The following RFK variants were observed in gnomAD, a reference collection of about 807,000 sequenced individuals.
The protein encoded by RFK is 0610038L10Rik.
A neutral mutation model predicts 17.6 loss-of-function variants in RFK; 4 were observed. That is an observed-to-expected ratio of 0.23 (90% confidence interval 0.11 to 0.52). The LOEUF (loss-of-function observed/expected upper bound fraction) is 0.52, where lower values mean the gene tolerates loss of function less well. Ranked by LOEUF, RFK falls within the 20% of genes least tolerant of loss-of-function variation. RFK has a pLI of 0.96. For missense variants in RFK, 189 were observed against 187.7 expected (o/e 1.01, Z -0.04); for synonymous variants, 59 against 63.8 (o/e 0.92, Z 0.36).
intron 3 of RFK, 47 bp from the exon 4 acceptor site, chr9:76,387,576 T>C: frequency 6.4e-7 from 1 of 1,553,424 alleles, no homozygotes; most frequent in Non-Finnish European, 8.7e-7. Flanking sequence ...ACCATTAACA[T>C]ACTTTTTACT....
Position 76,394,298 on chromosome 9 carries a change from G to T in RFK, c.-127C>A. 1 of 865,292 alleles carries T rather than the reference G, an allele frequency of 1.2e-6. No homozygotes were observed. The highest frequency in any genetic ancestry group is 1.7e-6 in the Non-Finnish European group (1 of 595,910). The allele number at this position is 865,292 out of a possible 1,614,324, so 53.6% of individuals were successfully genotyped here. A position where few individuals can be genotyped will look rare whatever the true frequency, so the allele number is the denominator to read the frequency against. ...CGTGAGCTCTGCCTGCCGCGGGGGC[G>T]CACCAGTGGCCGGACGACGCCGACC... is the stretch of plus-strand genomic sequence containing the variant. On this transcript the variant is annotated 5_prime_UTR_variant, in exon 1 of 4. Coordinates refer to ENST00000376736, the MANE Select transcript of RFK (RefSeq NM_018339.6).
At position 76,387,204 on chromosome 9, in the gene RFK, A is replaced by G. The variant is rs1340416003; in HGVS notation, c.*195T>C. 2.2e-6 allele frequency: 1 copy of G among 455,116 alleles called. No individual in the cohort carries two copies. The highest frequency in any genetic ancestry group is 1.9e-5 in the African/African-American group (1 of 51,282). The allele number at this position is 455,116 out of a possible 1,614,324, so 28.2% of individuals were successfully genotyped here. Reference sequence around the variant, plus strand: ...TTTTTTAAATCTTATTTTTAACTCAATCTTTTTAGTGCTATGATATGATGG... The same window carrying G: ...TTTTTTAAATCTTATTTTTAACTCAGTCTTTTTAGTGCTATGATATGATGG... On this transcript the variant is annotated 3_prime_UTR_variant, in exon 4 of 4. Coordinates refer to ENST00000376736, the MANE Select transcript of RFK (RefSeq NM_018339.6).
At chr9:76,388,522 T>C (rs768831971) in intron 3 of RFK, 32 bp downstream of exon 3, 1 of 1,273,390 alleles carries the variant, frequency 7.9e-7, no homozygotes, top group Non-Finnish European at 1.1e-6. Context: ...GTAGCAGTAG[T>C]AGTATTTAAG....
At chr9:76,392,197 A>G (rs1736771275) in intron 2 of RFK, among the ~76,000 whole-genome samples, 1 of 152,220 alleles carries the variant, frequency 6.6e-6, no homozygotes, top group South Asian at 2.1e-4. Context: ...TAAGGCATAT[A>G]AAAAACAAAT....
rs1186493414 is a variant in RFK, at chr9:76,394,233, G to A, written c.-62C>T. ...CTGCGCGTCCTGCGGAGCCGCCGTC[G>A]ACGCGGCGCCCAGACCCCGGACCAG... On this transcript the variant is annotated 5_prime_UTR_variant, in exon 1 of 4. Transcript: ENST00000376736. 1.3e-6 allele frequency: 2 copies of A among 1,508,234 alleles called. No homozygotes were observed. The highest frequency in any genetic ancestry group is 1.8e-6 in the Non-Finnish European group (2 of 1,119,128). 93.4% of individuals were successfully genotyped at this position (1,508,234 alleles called of 1,614,324 possible).
rs1193761466 is a variant in RFK, at chr9:76,387,206, C to A, written c.*193G>T. The A allele has an allele frequency of 8.8e-6, 4 of 454,776 alleles. No individual in the cohort carries two copies. Among genetic ancestry groups the A allele is most frequent in the Non-Finnish European group, 7.8e-6 (2 of 257,126 alleles). The allele number at this position is 454,776 out of a possible 1,614,324, so 28.2% of individuals were successfully genotyped here. On this transcript the variant is annotated 3_prime_UTR_variant, in exon 4 of 4. Transcript: ENST00000376736. ...TTTTAAATCTTATTTTTAACTCAAT[C>A]TTTTTAGTGCTATGATATGATGGGC... is the stretch of plus-strand genomic sequence containing the variant.
Position 76,394,089 on chromosome 9 carries a change from C to T in RFK, c.82+1G>A. The T allele has an allele frequency of 6.2e-7, 1 of 1,603,240 alleles. No homozygotes were observed. Among genetic ancestry groups the T allele is most frequent in the Non-Finnish European group, 8.5e-7 (1 of 1,176,370 alleles). ...GGGGACTCTGGCCGCCCTGCTCTCACCTGTGGGGATGCCCAGCTGCTTGGA... is the reference window on the plus strand; with the variant it reads ...GGGGACTCTGGCCGCCCTGCTCTCATCTGTGGGGATGCCCAGCTGCTTGGA... On this transcript the variant is annotated splice_donor_variant, in intron 1 of 3. Transcript: ENST00000376736. LOFTEE classifies it high-confidence loss of function.
rs767635153 is a variant in RFK at position 76,394,221 on chromosome 9, G to C, written c.-50C>G. On this transcript the variant is annotated 5_prime_UTR_variant, in exon 1 of 4. Coordinates refer to ENST00000376736, the MANE Select transcript of RFK (RefSeq NM_018339.6). ...CTGCGGCCCGGTCTGCGCGTCCTGC[G>C]GAGCCGCCGTCGACGCGGCGCCCAG... The C allele has an allele frequency of 1.3e-6, 2 of 1,539,972 alleles. No individual in the cohort carries two copies. Among genetic ancestry groups the C allele is most frequent in the East Asian group, 5.0e-5 (2 of 40,170 alleles).
intron 3 of RFK, 37 bp downstream of exon 3, chr9:76,388,517 A>G: frequency 1.7e-6 from 2 of 1,203,498 alleles, no homozygotes; most frequent in Non-Finnish European, 2.5e-6. Context: ...CTGTGGTAGC[A>G]GTAGTAGTAT....
At position 76,385,914 on chromosome 9, in the gene RFK, C is replaced by A. The variant is rs1822722640; in HGVS notation, c.*1485G>T. On this transcript the variant is annotated 3_prime_UTR_variant, in exon 4 of 4. Coordinates refer to ENST00000376736, the MANE Select transcript of RFK (RefSeq NM_018339.6). ...CATATTTTTATAAAGAAATAAAAAGCAAAACGCAATCCAACTATTTATATG... is the reference window on the plus strand; with the variant it reads ...CATATTTTTATAAAGAAATAAAAAGAAAAACGCAATCCAACTATTTATATG... The A allele has an allele frequency of 6.6e-6, 1 of 152,104 alleles. No individual in the cohort carries two copies. Among genetic ancestry groups the A allele is most frequent in the African/African-American group, 2.4e-5 (1 of 41,432 alleles). The allele number at this position is 152,104 out of a possible 1,614,324, so 9.4% of individuals were successfully genotyped here.
At chr9:76,388,809 T>C (rs1822777409) in intron 2 of RFK, among the ~76,000 whole-genome samples, 153 bp from the exon 3 acceptor site, 1 of 152,210 alleles carries the variant, frequency 6.6e-6, no homozygotes, top group African/African-American at 2.4e-5. Flanking sequence ...GTGCAGTTTT[T>C]CCTAAATTTT....
Position 76,388,676 on chromosome 9 carries a change from C to A in RFK, c.235-20G>T. 7.0e-7 allele frequency: 1 copy of A among 1,418,804 alleles called. No individual in the cohort carries two copies. The highest frequency in any genetic ancestry group is 1.4e-5 in the African/African-American group (1 of 71,552). 87.9% of individuals were successfully genotyped at this position (1,418,804 alleles called of 1,614,324 possible). A position where few individuals can be genotyped will look rare whatever the true frequency, so the allele number is the denominator to read the frequency against. ...TGTTTCCTATAGTCAAGAAATGTTA[C>A]AAAGAGTGCTATCAGACTACAGTGT... On this transcript the variant is annotated intron_variant, in intron 2 of 3. Coordinates refer to ENST00000376736, the MANE Select transcript of RFK (RefSeq NM_018339.6).
intron 1 of RFK, 144 bp from the exon 2 acceptor site, chr9:76,392,713 G>T (rs1822833860): frequency 1.4e-6 from 1 of 731,738 alleles, no homozygotes; most frequent in Admixed American, 2.6e-5. Context: ...TTTGAGACCG[G>T]CCCGGGTAAC....
chr9:76,393,292 C>T (rs1381047177), intron 1 of RFK, among the ~76,000 whole-genome samples: 1 of 151,804 alleles, frequency 6.6e-6, no homozygotes, highest in East Asian at 1.9e-4. Flanking sequence ...CTGCAGCCTC[C>T]GTCTCCTGGG....
chr9:76,392,221 A>G (rs1294869382), intron 2 of RFK, among the ~76,000 whole-genome samples, 197 bp downstream of exon 2: 1 of 152,220 alleles, frequency 6.6e-6, no homozygotes, highest in Non-Finnish European at 1.5e-5. Context: ...AAAACAGTAG[A>G]TGTCCCTCCT....
intron 2 of RFK, among the ~76,000 whole-genome samples, chr9:76,391,922 T>G (rs1356306877): frequency 7.2e-6 from 1 of 138,244 alleles, no homozygotes; most frequent in Non-Finnish European, 1.6e-5. Context: ...GGCAACATAG[T>G]GAGACCCCAT....
rs1204945947 is a variant in RFK at position 76,386,230 on chromosome 9, T to A, written c.*1169A>T. 1 of 152,180 alleles carries A rather than the reference T, an allele frequency of 6.6e-6. No individual in the cohort carries two copies. Among genetic ancestry groups the A allele is most frequent in the African/African-American group, 2.4e-5 (1 of 41,434 alleles). The allele number at this position is 152,180 out of a possible 1,614,324, so 9.4% of individuals were successfully genotyped here. A position where few individuals can be genotyped will look rare whatever the true frequency, so the allele number is the denominator to read the frequency against. Reference sequence around the variant, plus strand: ...AAAAATCCACAGTATGAAGGCTATTTAACTAAAACTTTATGCTTTTCCCTC... The same window carrying A: ...AAAAATCCACAGTATGAAGGCTATTAAACTAAAACTTTATGCTTTTCCCTC... On this transcript the variant is annotated 3_prime_UTR_variant, in exon 4 of 4. Transcript: ENST00000376736.
At chr9:76,389,119 A>G (rs1822782229) in intron 2 of RFK, among the ~76,000 whole-genome samples, 1 of 152,232 alleles carries the variant, frequency 6.6e-6, no homozygotes, top group African/African-American at 2.4e-5. Flanking sequence ...AAGGGGCAGG[A>G]GAGCCAATGC....
Position 76,394,316 on chromosome 9 carries a change from C to A in RFK, c.-145G>T, listed in dbSNP as rs1336513675. 2.8e-6 allele frequency: 2 copies of A among 706,110 alleles called. No individual in the cohort carries two copies. Among genetic ancestry groups the A allele is most frequent in the East Asian group, 6.5e-5 (2 of 30,640 alleles). 43.7% of individuals were successfully genotyped at this position (706,110 alleles called of 1,614,324 possible). Reference sequence around the variant, plus strand: ...CGGGGGCGCACCAGTGGCCGGACGACGCCGACCACAGGCCACTGCGAATCC... The same window carrying A: ...CGGGGGCGCACCAGTGGCCGGACGAAGCCGACCACAGGCCACTGCGAATCC... On this transcript the variant is annotated 5_prime_UTR_variant, in exon 1 of 4. Transcript: ENST00000376736.
Sources: allele counts gnomAD v4.1 joint callset (sites outside exome capture counted in the v4.1 genomes callset), GRCh38; gene constraint gnomAD v4.1.1; transcripts MANE v1.5; gene names NCBI Gene and HGNC (gene_info 2026-07-23, HGNC 2026-07-21).